The following NDUFAF7 variants were observed in gnomAD, a reference collection of about 807,000 sequenced individuals.
NDUFAF7 encodes the protein protein arginine methyltransferase NDUFAF7, mitochondrial.
NDUFAF7 carries 48 observed loss-of-function variants against 47.2 expected under a neutral mutation model. The observed-to-expected ratio is 1.02, with a 90% CI of 0.81 to 1.29. The LOEUF (loss-of-function observed/expected upper bound fraction) is 1.29. Among genes scored for constraint, NDUFAF7 ranks in the 50% most tolerant of loss-of-function variants. The probability of loss-of-function intolerance (pLI) is 0.00; values close to 1 mark genes in which losing one functional copy is unlikely to be tolerated. For missense variants in NDUFAF7, 635 were observed against 537.6 expected, an observed-to-expected ratio of 1.18 and a Z score of -1.79; for synonymous variants, 217 against 190.0, an observed-to-expected ratio of 1.14 and a Z score of -1.17.
At chr2:37,267,010 C>T in the NDUFAF7 span, among the ~76,000 whole-genome samples, 7 of 152,146 alleles carry the variant, frequency 4.6e-5, no homozygotes, top group South Asian at 2.1e-4. Flanking sequence ...CTTTAAAATA[C>T]GCCCCAATCG....
intron 5 of NDUFAF7, chr2:37,242,144 G>A (rs930444329): frequency 3.1e-5 from 9 of 294,686 alleles, no homozygotes; most frequent in African/African-American, 6.6e-5. Flanking sequence ...TTCAGTTATA[G>A]AGTCTTTTAA....
the NDUFAF7 span, among the ~76,000 whole-genome samples, chr2:37,271,308 G>A: frequency 3.3e-5 from 5 of 151,900 alleles, no homozygotes; most frequent in South Asian, 4.2e-4. Context: ...GTATGGCCCC[G>A]ATCTAAAAAT....
rs1458096164 is a variant in NDUFAF7 at position 37,246,052 on chromosome 2, C to G, written c.793C>G (p.His265Asp). ...ACTCTTGCAATGATCCCTTTACTAG[C>G]ATGACGAAACAAGGGATCATGTTGA... ...SATPAEAFIQ[H>D]DETRDHVEVC... is the part of the protein sequence containing the mutation. The change falls in exon 8 of 10, where the codon CAT becomes GAT. Residue 265 changes from histidine to aspartate, a missense_variant and splice_region_variant. Coordinates refer to ENST00000002125, the MANE Select transcript of NDUFAF7 (RefSeq NM_144736.5). The G allele has an allele frequency of 6.2e-7, 1 of 1,613,668 alleles. No homozygotes were observed. The highest frequency in any genetic ancestry group is 1.1e-5 in the South Asian group (1 of 91,056).
chr2:37,242,531 GTGA>G (rs1666460831), intron 5 of NDUFAF7, 101 bp from the exon 6 acceptor site: 2 of 828,484 alleles, frequency 2.4e-6, no homozygotes, highest in Non-Finnish European at 4.0e-6. Context: ...TTCTGTGGTA[GTGA>G]TGATTATGGA....
chr2:37,243,808 C>T, intron 6 of NDUFAF7, 55 bp from the exon 7 acceptor site: 1 of 1,291,152 alleles, frequency 7.7e-7, no homozygotes, highest in Admixed American at 1.8e-5. Flanking sequence ...TTGGTAGAAG[C>T]AATGTAGAGA....
In NDUFAF7 at chr2:37,242,704, G is replaced by A; in HGVS notation, c.681+11G>A. 6.3e-7 allele frequency: 1 copy of A among 1,578,006 alleles called. No homozygotes were observed. The highest frequency in any genetic ancestry group is 8.7e-7 in the Non-Finnish European group (1 of 1,147,816). On this transcript the variant is annotated intron_variant, in intron 6 of 9. Coordinates refer to ENST00000002125, the MANE Select transcript of NDUFAF7 (RefSeq NM_144736.5). ...GTGCATAAATTTCAGGTATTGAGGG[G>A]GGAAAAAAGTCATGTCTATAATTGA...
intron 4 of NDUFAF7, among the ~76,000 whole-genome samples, chr2:37,238,088 T>C (rs1033366196): frequency 5.3e-5 from 8 of 152,194 alleles, no homozygotes; most frequent in Admixed American, 1.3e-4. Context: ...TAGGAAACAT[T>C]TAGAAGACAT....
the NDUFAF7 span, among the ~76,000 whole-genome samples, chr2:37,261,925 T>C: frequency 6.6e-6 from 1 of 152,194 alleles, no homozygotes; most frequent in Non-Finnish European, 1.5e-5. Flanking sequence ...TTTTTTTGAG[T>C]ATTCATAAAT....
chr2:37,254,228 T>C, downstream of NDUFAF7: 1 of 1,612,698 alleles, frequency 6.2e-7, no homozygotes, highest in Non-Finnish European at 8.5e-7. Flanking sequence ...GACTAAGAGA[T>C]TTGTCAACAC....
rs1040139197 is a variant in NDUFAF7 at position 37,247,522 on chromosome 2, G to A, written c.1003G>A (p.Val335Met). The change falls in exon 9 of 10, where the codon GTG (valine) becomes ATG (methionine). Residue 335 changes from valine (V) to methionine (M), a missense_variant. Coordinates refer to ENST00000002125, the MANE Select transcript of NDUFAF7 (RefSeq NM_144736.5). ...APGTADLTAD[V>M]DFSYLRRMAQ... is the part of the protein sequence containing the mutation. ...AGGAACAGCAGATCTAACAGCTGAT[G>A]TGGACTTCAGTTATTTGCGAAGAAT... is the stretch of plus-strand genomic sequence containing the variant. The A allele has an allele frequency of 6.2e-7, 1 of 1,614,108 alleles. No individual in the cohort carries two copies. The highest frequency in any genetic ancestry group is 8.5e-7 in the Non-Finnish European group (1 of 1,179,998).
chr2:37,268,558 G>GAGA, the NDUFAF7 span: 1 of 269,558 alleles, frequency 3.7e-6, no homozygotes, highest in East Asian at 1.2e-4. Flanking sequence ...GATATTGTGA[G>GAGA]AGAAGTATGT....
the NDUFAF7 span, among the ~76,000 whole-genome samples, chr2:37,265,015 G>A: frequency 1.3e-5 from 2 of 152,022 alleles, no homozygotes; most frequent in Non-Finnish European, 2.9e-5. Context: ...AATAATATGC[G>A]CAATCTTCAC....
intron 2 of NDUFAF7, 53 bp from the exon 3 acceptor site, chr2:37,236,043 A>G: frequency 7.0e-7 from 1 of 1,427,626 alleles, no homozygotes; most frequent in Non-Finnish European, 9.9e-7. Flanking sequence ...GGGTATTTTT[A>G]AAAGGCTTAT....
At chr2:37,238,027 G>T (rs1369563569) in intron 4 of NDUFAF7, among the ~76,000 whole-genome samples, 160 bp downstream of exon 4, 1 of 151,992 alleles carries the variant, frequency 6.6e-6, no homozygotes, top group African/African-American at 2.4e-5. Context: ...ACTTACTGTT[G>T]TCTGTAAACT....
At chr2:37,231,827 C>A in intron 1 of NDUFAF7, 67 bp downstream of exon 1, 2 of 1,607,516 alleles carry the variant, frequency 1.2e-6, no homozygotes, top group Non-Finnish European at 1.7e-6. Context: ...CTCAGCTCTT[C>A]AGTTGAGGGT....
chr2:37,258,407 T>C, the NDUFAF7 span, among the ~76,000 whole-genome samples: 2 of 152,200 alleles, frequency 1.3e-5, no homozygotes, highest in Non-Finnish European at 2.9e-5. Flanking sequence ...CTTGATAAGG[T>C]AAAGATGACT....
At chr2:37,233,741 A>G (rs1042674699) in intron 2 of NDUFAF7, among the ~76,000 whole-genome samples, 5 of 152,170 alleles carry the variant, frequency 3.3e-5, no homozygotes, top group Admixed American at 3.3e-4. Flanking sequence ...GGGAGAACAT[A>G]CTGAGAGAAA....
downstream of NDUFAF7, among the ~76,000 whole-genome samples, chr2:37,249,643 G>C (rs200821708): frequency 7.6e-4 from 101 of 132,624 alleles, 2 homozygotes; most frequent in South Asian, 6.2e-3. Flanking sequence ...CTGTGATAGA[G>C]ACACACACAC....
At chr2:37,238,518 A>G (rs1356441566) in intron 4 of NDUFAF7, among the ~76,000 whole-genome samples, 2 of 152,120 alleles carry the variant, frequency 1.3e-5, no homozygotes, top group African/African-American at 4.8e-5. Context: ...TGGGGGGCCA[A>G]GGTGGGAGGA....
Sources: allele counts gnomAD v4.1 joint callset (sites outside exome capture counted in the v4.1 genomes callset), GRCh38; gene constraint gnomAD v4.1.1; transcripts MANE v1.5; gene names NCBI Gene and HGNC (gene_info 2026-07-23, HGNC 2026-07-21).